The following KLHL32 variants were observed in gnomAD, a reference collection of about 807,000 sequenced individuals.
KLHL32 encodes the protein kelch-like protein 32.
In KLHL32, 35 loss-of-function variants were observed where a neutral mutation model predicts 64.8. The ratio of observed to expected loss-of-function variants is 0.54; its 90% CI spans 0.41 to 0.72. The LOEUF is 0.72. KLHL32 is among the 30% of genes least tolerant of loss of function. The pLI is 0.00. For synonymous variants in KLHL32, 259 were observed against 281.0 expected (o/e 0.92, Z 0.78); for missense variants, 589 against 768.5 (o/e 0.77, Z 2.76).
intron 3 of KLHL32, among the ~76,000 whole-genome samples, chr6:96,986,070 T>C: frequency 6.6e-6 from 1 of 152,216 alleles, no homozygotes; most frequent in East Asian, 1.9e-4. Flanking sequence ...TCTTTTCTGT[T>C]TGTTAGTTTT....
At chr6:96,991,995 C>G (rs1777932876) in intron 3 of KLHL32, among the ~76,000 whole-genome samples, 1 of 152,222 alleles carries the variant, frequency 6.6e-6, no homozygotes, top group South Asian at 2.1e-4. Flanking sequence ...TTCCGAGCGG[C>G]AGAAATGGCG....
chr6:96,950,280 C>T (rs1488551790), intron 1 of KLHL32, among the ~76,000 whole-genome samples: 3 of 151,104 alleles, frequency 2.0e-5, no homozygotes, highest in African/African-American at 7.3e-5. Flanking sequence ...CTAAACAATA[C>T]ATTTATTAGT....
the KLHL32 span, among the ~76,000 whole-genome samples, chr6:96,917,010 A>G: frequency 6.6e-6 from 1 of 152,232 alleles, no homozygotes; most frequent in Admixed American, 6.5e-5. Flanking sequence ...AGTCAAAAAC[A>G]TAACAACAAC....
At chr6:96,943,671 C>T (rs749851559) in intron 1 of KLHL32, among the ~76,000 whole-genome samples, 35 of 152,218 alleles carry the variant, frequency 2.3e-4, no homozygotes, top group Non-Finnish European at 4.4e-4. Context: ...TTTGGCTTTG[C>T]GGCCCCTGTA....
intron 3 of KLHL32, among the ~76,000 whole-genome samples, chr6:97,040,582 C>T (rs1784968988): frequency 1.3e-5 from 2 of 152,284 alleles, no homozygotes; most frequent in Admixed American, 6.5e-5. Context: ...AGTCTGTACT[C>T]AGACACGTTC....
chr6:96,943,023 T>G lies in KLHL32; in HGVS notation c.-66+17997T>G, dbSNP rs1206696355. On this transcript the variant is annotated intron_variant, in intron 1 of 10. Transcript: ENST00000369261. Reference sequence around the variant, plus strand: ...GAGAAAAGAGAAATGAGATGTATTGTTCATGCTCCCTCTACACACACACAC... The same window carrying G: ...GAGAAAAGAGAAATGAGATGTATTGGTCATGCTCCCTCTACACACACACAC... Among the ~76,000 whole-genome samples, 7 of 137,912 alleles carry G rather than the reference T, an allele frequency of 5.1e-5. No individual in the cohort carries two copies. In the East Asian group the frequency reaches 1.4e-3, roughly 28 times the overall value. The allele number at this position is 137,912 out of a possible 152,430, so 90.5% of individuals were successfully genotyped here.
At chr6:97,102,215 A>G (rs1002926946) in intron 6 of KLHL32, among the ~76,000 whole-genome samples, 2 of 152,198 alleles carry the variant, frequency 1.3e-5, no homozygotes, top group Non-Finnish European at 2.9e-5. Flanking sequence ...ATTTACCTCT[A>G]TAGGCATATA....
intron 4 of KLHL32, among the ~76,000 whole-genome samples, chr6:97,042,455 G>A (rs924551497): frequency 2.0e-5 from 3 of 152,044 alleles, no homozygotes; most frequent in African/African-American, 4.8e-5. Flanking sequence ...AAGAATGTGT[G>A]GGAGCTCATT....
chr6:96,993,561 G>C (rs779550546), intron 3 of KLHL32, among the ~76,000 whole-genome samples: 2 of 152,106 alleles, frequency 1.3e-5, no homozygotes, highest in African/African-American at 4.8e-5. Flanking sequence ...ATTTTAAGAG[G>C]GTGTACAAAA....
At chr6:96,962,588 C>G (rs905522228) in intron 1 of KLHL32, among the ~76,000 whole-genome samples, 1 of 152,000 alleles carries the variant, frequency 6.6e-6, no homozygotes, top group Admixed American at 6.6e-5. Flanking sequence ...AAAAGTGAAA[C>G]AAAAGAAAAA....
At chr6:96,994,045 C>G (rs575187712) in intron 3 of KLHL32, among the ~76,000 whole-genome samples, 1 of 152,306 alleles carries the variant, frequency 6.6e-6, no homozygotes, top group South Asian at 2.1e-4. Context: ...GGAGATACTA[C>G]TCTGTCTTCC....
At chr6:96,905,256 T>C in the KLHL32 span, among the ~76,000 whole-genome samples, 5 of 152,190 alleles carry the variant, frequency 3.3e-5, no homozygotes, top group African/African-American at 1.2e-4. Flanking sequence ...TATGAAAGAT[T>C]ATGAAAATAA....
At chr6:96,954,402 A>G (rs1773020243) in intron 1 of KLHL32, among the ~76,000 whole-genome samples, 1 of 151,508 alleles carries the variant, frequency 6.6e-6, no homozygotes. Flanking sequence ...TTAAAGAGAA[A>G]AAAAACTGGC....
At chr6:97,119,896 A>C (rs1798183623) in intron 7 of KLHL32, among the ~76,000 whole-genome samples, 1 of 152,166 alleles carries the variant, frequency 6.6e-6, no homozygotes, top group African/African-American at 2.4e-5. Context: ...AGGAAGAAAG[A>C]GGGGAGTTGG....
chr6:96,986,274 C>G (rs1029775130), intron 3 of KLHL32, among the ~76,000 whole-genome samples: 1 of 152,184 alleles, frequency 6.6e-6, no homozygotes, highest in African/African-American at 2.4e-5. Context: ...AGGTGTCAGT[C>G]TGCCCCTAAT....
Position 96,987,242 on chromosome 6 carries a change from C to T in KLHL32, c.204+11065C>T, listed in dbSNP as rs1200841458. ...TGCTCTGATCTTACTTATTTCTTGCCTTCTGCTAGCTTTTGAATGTGTTTG... is the reference window on the plus strand; with the variant it reads ...TGCTCTGATCTTACTTATTTCTTGCTTTCTGCTAGCTTTTGAATGTGTTTG... On this transcript the variant is annotated intron_variant, in intron 3 of 10. Coordinates refer to ENST00000369261, the MANE Select transcript of KLHL32 (RefSeq NM_052904.4). Among the ~76,000 whole-genome samples the T allele has an allele frequency of 3.3e-5, 5 of 152,060 alleles. No homozygotes were observed. In the East Asian group the frequency reaches 9.6e-4, roughly 29 times the overall value.
At chr6:97,128,158 G>A (rs147033754) in intron 8 of KLHL32, among the ~76,000 whole-genome samples, 2 of 152,298 alleles carry the variant, frequency 1.3e-5, no homozygotes, top group East Asian at 3.9e-4. Context: ...TCAGCTGAAT[G>A]TAATGGGATA....
intron 3 of KLHL32, among the ~76,000 whole-genome samples, chr6:97,019,551 A>G (rs928136730): frequency 4.6e-5 from 7 of 152,216 alleles, no homozygotes; most frequent in African/African-American, 1.7e-4. Context: ...AATCCCTGAA[A>G]AGGCTGGCAG....
intron 1 of KLHL32, among the ~76,000 whole-genome samples, chr6:96,948,786 A>G (rs538311569): frequency 1.4e-4 from 21 of 152,022 alleles, no homozygotes; most frequent in South Asian, 2.1e-4. Flanking sequence ...CCCCAATGCA[A>G]TTCTCTCTCA....
Sources: gnomAD v4.1 joint callset for allele counts (sites outside exome capture counted in the v4.1 genomes callset) on GRCh38, gnomAD v4.1.1 for gene constraint, MANE v1.5 for transcripts, NCBI Gene and HGNC (gene_info 2026-07-23, HGNC 2026-07-21) for gene names.